TPRG1: variants seen among roughly 807,000 people sequenced by gnomAD.
TPRG1 encodes the protein tumor protein p63 regulated 1.
Under a neutral mutation model 29.3 loss-of-function variants are expected in TPRG1, and 29 were observed. The observed-to-expected ratio is 0.99, with a 90% confidence interval of 0.74 to 1.35. The LOEUF (loss-of-function observed/expected upper bound fraction) is 1.35. Ranked by LOEUF, TPRG1 falls within the 40% of genes most tolerant of loss-of-function variation. TPRG1 has a pLI of 0.00. For synonymous variants in TPRG1, 130 were observed against 116.8 expected, an observed-to-expected ratio of 1.11 and a Z score of -0.73; for missense variants, 327 against 335.0, an observed-to-expected ratio of 0.98 and a Z score of 0.19.
intron 1 of TPRG1, among the ~76,000 whole-genome samples, chr3:189,102,128 C>T (rs1719281526): frequency 6.6e-6 from 1 of 152,096 alleles, no homozygotes; most frequent in South Asian, 2.1e-4. Flanking sequence ...TTCCAAATGT[C>T]CTGCTCATGT....
rs573243711 is a variant in TPRG1 at position 189,217,253 on chromosome 3, A to G, written c.302+1870A>G. On this transcript the variant is annotated intron_variant, in intron 3 of 5. Transcript: ENST00000345063. The stretch of plus-strand genomic sequence containing the variant: ...TAACACCAGTAGTTTTCAGAAAAGT[A>G]TGAACAGCTGTCCCCCAAAGAGCCA... Among the ~76,000 whole-genome samples the G allele has an allele frequency of 3.3e-5, 5 of 152,316 alleles. No homozygotes were observed. The South Asian group carries it at 1.0e-3, about 32-fold the overall frequency.
chr3:189,124,498 C>T (rs1262153514), intron 1 of TPRG1, among the ~76,000 whole-genome samples: 2 of 151,778 alleles, frequency 1.3e-5, no homozygotes, highest in Non-Finnish European at 2.9e-5. Context: ...TCTTTTGTTT[C>T]ACGTATACAT....
intron 4 of TPRG1, among the ~76,000 whole-genome samples, chr3:189,086,349 T>C (rs1260679367): frequency 1.3e-5 from 2 of 149,446 alleles, no homozygotes; most frequent in Non-Finnish European, 3.0e-5. Context: ...GTCCACTGAT[T>C]CAAATTTTTT....
At chr3:189,305,831 T>A (rs1413854117) in intron 4 of TPRG1, among the ~76,000 whole-genome samples, 2 of 152,154 alleles carry the variant, frequency 1.3e-5, no homozygotes, top group Non-Finnish European at 2.9e-5. Flanking sequence ...TTCCACCAAG[T>A]CCTTATGGGA....
chr3:189,252,307 T>G (rs1369690804), intron 4 of TPRG1, among the ~76,000 whole-genome samples: 1 of 152,080 alleles, frequency 6.6e-6, no homozygotes, highest in Non-Finnish European at 1.5e-5. Flanking sequence ...ACAGACACAG[T>G]AGCAATCTGA....
rs769371633 is a variant in TPRG1, at chr3:189,320,759, C to T, written c.767C>T (p.Ser256Leu). Residue 256 changes from serine (S) to leucine (L), a missense_variant, in exon 6 of 6, where the codon TCA (serine) becomes TTA (leucine). Ser to Leu is a moderately radical substitution (Grantham distance 145). Coordinates refer to ENST00000345063, the MANE Select transcript of TPRG1 (RefSeq NM_198485.4). The part of the protein sequence containing the change: ...ILIETYTGLM[S>L]FIGNRNKLGY... ...ATTGAGACCTACACAGGGCTGATGT[C>T]ATTCATTGGAAACCGCAACAAACTT... The T allele has an allele frequency of 9.9e-6, 16 of 1,610,282 alleles. No homozygotes were observed. In the South Asian group the frequency reaches 1.8e-4, roughly 18 times the overall value.
intron 5 of TPRG1, among the ~76,000 whole-genome samples, chr3:189,312,167 TTCTTTCTTTC>T (rs1722725533): frequency 1.4e-5 from 1 of 73,740 alleles, no homozygotes; most frequent in African/African-American, 5.5e-5. Flanking sequence ...CTTTCTTTCT[TTCTTTCTTTC>T]TTTCTTTTTT....
At chr3:189,198,592 C>A (rs1732944360) in intron 1 of TPRG1, among the ~76,000 whole-genome samples, 2 of 152,230 alleles carry the variant, frequency 1.3e-5, no homozygotes, top group South Asian at 2.1e-4. Context: ...TCCTTCCAAT[C>A]TGAAGCACTG....
intron 4 of TPRG1, among the ~76,000 whole-genome samples, chr3:189,239,261 G>A (rs2108947094): frequency 6.6e-6 from 1 of 152,130 alleles, no homozygotes; most frequent in Non-Finnish European, 1.5e-5. Flanking sequence ...AAATGAGGAA[G>A]AAGGAAAAGT....
At chr3:189,080,167 G>A (rs1459296895) in intron 4 of TPRG1, among the ~76,000 whole-genome samples, 1 of 152,202 alleles carries the variant, frequency 6.6e-6, no homozygotes, top group Non-Finnish European at 1.5e-5. Context: ...CTTCTTTTAA[G>A]TTTGGACAGC....
At chr3:189,189,945 G>A (rs1328106570) in intron 1 of TPRG1, among the ~76,000 whole-genome samples, 1 of 152,158 alleles carries the variant, frequency 6.6e-6, no homozygotes, top group Non-Finnish European at 1.5e-5. Flanking sequence ...ATAATATGAA[G>A]TAGAAATAGA....
chr3:189,046,593 A>G (rs1714991601), intron 4 of TPRG1, among the ~76,000 whole-genome samples: 1 of 151,410 alleles, frequency 6.6e-6, no homozygotes, highest in South Asian at 2.1e-4. Context: ...GTATAACAGG[A>G]ACATCACCAC....
chr3:189,261,555 G>A (rs1713050238), intron 4 of TPRG1, among the ~76,000 whole-genome samples: 1 of 152,132 alleles, frequency 6.6e-6, no homozygotes, highest in Non-Finnish European at 1.5e-5. Flanking sequence ...CCTAGGCTTG[G>A]CCATGTGGCA....
intron 4 of TPRG1, among the ~76,000 whole-genome samples, chr3:189,295,041 C>T (rs1159881047): frequency 2.0e-5 from 3 of 152,256 alleles, no homozygotes; most frequent in African/African-American, 7.2e-5. Flanking sequence ...CACTTTCCCA[C>T]ATTCACGCCT....
intron 3 of TPRG1, among the ~76,000 whole-genome samples, chr3:189,231,017 A>G (rs1278712039): frequency 1.3e-5 from 2 of 151,910 alleles, no homozygotes; most frequent in Non-Finnish European, 2.9e-5. Flanking sequence ...CCTTCAACTG[A>G]TACTCTCATG....
intron 1 of TPRG1, among the ~76,000 whole-genome samples, chr3:189,205,989 C>T (rs867214449): frequency 1.2e-4 from 15 of 124,284 alleles, no homozygotes; most frequent in South Asian, 9.1e-4. Flanking sequence ...ACATGTGTGC[C>T]TGTATATACA....
chr3:189,070,328 G>C (rs2152152834), intron 4 of TPRG1, among the ~76,000 whole-genome samples: 1 of 152,202 alleles, frequency 6.6e-6, no homozygotes, highest in Non-Finnish European at 1.5e-5. Context: ...CCTTGGATGA[G>C]GGAACTGTTC....
At chr3:189,309,392 T>C (rs1029247389) in intron 4 of TPRG1, among the ~76,000 whole-genome samples, 2 of 152,192 alleles carry the variant, frequency 1.3e-5, no homozygotes, top group African/African-American at 4.8e-5. Flanking sequence ...CTCTGGTTTT[T>C]CATTCCAGAA....
At chr3:189,210,737 C>T (rs555853956) in intron 2 of TPRG1, among the ~76,000 whole-genome samples, 2 of 152,322 alleles carry the variant, frequency 1.3e-5, no homozygotes, top group South Asian at 2.1e-4. Context: ...GTCGCTTGCT[C>T]AATGTCACGG....
Sources: gnomAD v4.1 joint callset for allele counts (sites outside exome capture counted in the v4.1 genomes callset) on GRCh38, gnomAD v4.1.1 for gene constraint, MANE v1.5 for transcripts, NCBI Gene and HGNC (gene_info 2026-07-23, HGNC 2026-07-21) for gene names.